INSYN1: variants seen among roughly 807,000 people sequenced by gnomAD.
INSYN1 encodes the protein UPF0583 protein C15orf59.
A neutral mutation model predicts 17.1 loss-of-function variants in INSYN1; 7 were observed. The ratio of observed to expected loss-of-function variants is 0.41; its 90% confidence interval spans 0.23 to 0.77. The LOEUF is 0.77. Ranked by LOEUF, INSYN1 falls within the 30% of genes least tolerant of loss-of-function variation. The pLI, the probability that INSYN1 is intolerant of heterozygous loss-of-function variation, is 0.32. For missense variants in INSYN1, 339 were observed against 400.6 expected (o/e 0.85, Z 1.31); for synonymous variants, 174 against 166.3 (o/e 1.05, Z -0.36).
intron 2 of INSYN1, among the ~76,000 whole-genome samples, chr15:73,749,167 C>T (rs1411785108): frequency 6.6e-6 from 1 of 152,184 alleles, no homozygotes; most frequent in Admixed American, 6.5e-5. Context: ...GAGATCATCT[C>T]TGGAAGGCCC....
intron 2 of INSYN1, among the ~76,000 whole-genome samples, chr15:73,741,399 C>T (rs1012777755): frequency 6.6e-6 from 1 of 152,176 alleles, no homozygotes; most frequent in Non-Finnish European, 1.5e-5. Flanking sequence ...GGGCCCAGAG[C>T]TGCTTGTTCA....
rs556433306 is a variant in INSYN1 at position 73,744,931 on chromosome 15, C to T, written c.157-4289G>A. On this transcript the variant is annotated intron_variant, in intron 2 of 2. Coordinates refer to ENST00000569673, the MANE Select transcript of INSYN1 (RefSeq NM_001039614.3). ...GGTGAGTCTTGACTCCTGGGCATTGCACCTTAAGACCAAGAATGACTTGCT... is the reference window on the plus strand; with the variant it reads ...GGTGAGTCTTGACTCCTGGGCATTGTACCTTAAGACCAAGAATGACTTGCT... Among the ~76,000 whole-genome samples, 49 of 141,678 alleles carry T rather than the reference C, an allele frequency of 3.5e-4. 1 individual carries two copies. The highest frequency in any genetic ancestry group is 1.6e-3 in the East Asian group (6 of 3,746). The allele number at this position is 141,678 out of a possible 152,430, so 92.9% of individuals were successfully genotyped here. A position where few individuals can be genotyped will look rare whatever the true frequency, so the allele number is the denominator to read the frequency against.
chr15:73,749,407 A>G (rs1901919480), intron 2 of INSYN1, among the ~76,000 whole-genome samples: 1 of 152,136 alleles, frequency 6.6e-6, no homozygotes, highest in Non-Finnish European at 1.5e-5. Context: ...GGGAGAGGGA[A>G]CACAGATGCC....
Position 73,740,447 on chromosome 15 carries a change from C to T in INSYN1, c.352G>A (p.Val118Ile), listed in dbSNP as rs141142512. The part of the protein sequence containing the change: ...DSWEFCSFLD[V>I]STPSDSVDGP... ...TCCACGGAGTCCGAGGGGGTAGAGA[C>T]GTCCAGGAAGGAGCAGAACTCCCAG... The change falls in exon 3 of 3, where the codon GTC becomes ATC. Residue 118 changes from valine (V) to isoleucine (I), a missense_variant. By Grantham distance (29) the Val-to-Ile change is conservative. Transcript: ENST00000569673. 28 of 1,613,632 alleles carry T rather than the reference C, an allele frequency of 1.7e-5. No individual in the cohort carries two copies. Among genetic ancestry groups the T allele is most frequent in the Middle Eastern group, 3.3e-4 (2 of 6,082 alleles).
chr15:73,740,383 T>C lies in INSYN1; in HGVS notation c.416A>G (p.Tyr139Cys). ...GGGCGTGCCACCATTCATGAGGCGG[T>C]AGTCAGGGCCAGCCCCTGGCCGAGT... ...ESTRPGAGPD[Y>C]RLMNGGTPIP... The change falls in exon 3 of 3, where the codon TAC (tyrosine) becomes TGC (cysteine). Residue 139 changes from tyrosine (Y) to cysteine (C), a missense_variant. Tyr to Cys is a radical substitution (Grantham distance 194, BLOSUM62 -2). Transcript: ENST00000569673. 1 of 1,607,770 alleles carries C rather than the reference T, an allele frequency of 6.2e-7. No homozygotes were observed.
chr15:73,742,102 C>T (rs1363420613), intron 2 of INSYN1, among the ~76,000 whole-genome samples: 1 of 152,160 alleles, frequency 6.6e-6, no homozygotes, highest in Admixed American at 6.5e-5. Context: ...GATTCTAGGA[C>T]TCTGTTTATA....
At chr15:73,743,914 A>G (rs1473735701) in intron 2 of INSYN1, among the ~76,000 whole-genome samples, 1 of 151,634 alleles carries the variant, frequency 6.6e-6, no homozygotes, top group Admixed American at 6.6e-5. Context: ...AGATAGCTAA[A>G]TACTTAAGAA....
rs139876261 is a variant in INSYN1 at position 73,751,104 on chromosome 15, G to A, written c.27C>T (p.Leu9=). ...TGCTGGGGTCGTCACTGGGCTGCCC[G>A]AGGTCCGGGGCGCCCCGAATGTTCA... MNIRGAPD[L]GQPSDDPSSG... is the part of the protein sequence containing the mutation. The change falls in exon 2 of 3, where the codon CTC becomes CTT. Residue 9 remains leucine (L), a synonymous_variant. Transcript: ENST00000569673. 3.9e-4 allele frequency: 628 copies of A among 1,613,896 alleles called. 3 individuals are homozygous for A. The highest frequency in any genetic ancestry group is 6.5e-4 in the Admixed American group (39 of 60,024).
chr15:73,751,489 A>G lies in INSYN1; in HGVS notation c.-359T>C. On this transcript the variant is annotated 5_prime_UTR_variant, in exon 2 of 3. Coordinates refer to ENST00000569673, the MANE Select transcript of INSYN1 (RefSeq NM_001039614.3). The stretch of plus-strand genomic sequence containing the variant: ...GCTTGAACACAGAGGCAGGGGGATG[A>G]CTCTGCAGGGACTAAGGGTAAGAGA... 3.4e-6 allele frequency: 1 copy of G among 294,382 alleles called. No homozygotes were observed. Among genetic ancestry groups the G allele is most frequent in the African/African-American group, 2.1e-5 (1 of 47,322 alleles). The allele number at this position is 294,382 out of a possible 1,614,324, so 18.2% of individuals were successfully genotyped here.
intron 2 of INSYN1, among the ~76,000 whole-genome samples, chr15:73,749,356 T>C (rs891247181): frequency 6.6e-6 from 1 of 152,132 alleles, no homozygotes; most frequent in East Asian, 1.9e-4. Flanking sequence ...TGGTCTGGAT[T>C]ACCTATGAGA....
chr15:73,744,197 T>A (rs1901765777), intron 2 of INSYN1, among the ~76,000 whole-genome samples: 1 of 152,196 alleles, frequency 6.6e-6, no homozygotes, highest in African/African-American at 2.4e-5. Context: ...GCAGTGGGAA[T>A]TAGTTCTGCA....
At position 73,752,460 on chromosome 15, in the gene INSYN1, G is replaced by A. The variant is rs1365211952; in HGVS notation, c.-918C>T. The stretch of plus-strand genomic sequence containing the variant: ...GGTCCCAGCGCGTGAGCCAAAGTCG[G>A]AGGGCTGGGAGGGCGCCGGGATCCC... On this transcript the variant is annotated 5_prime_UTR_variant, in exon 1 of 3. Coordinates refer to ENST00000569673, the MANE Select transcript of INSYN1 (RefSeq NM_001039614.3). The surrounding 1 kb of genome is among the most constrained non-coding windows in gnomAD (Gnocchi z 5.2). 6.6e-6 allele frequency: 1 copy of A among 152,332 alleles called. No homozygotes were observed. The highest frequency in any genetic ancestry group is 1.5e-5 in the Non-Finnish European group (1 of 68,176). 9.4% of individuals were successfully genotyped at this position (152,332 alleles called of 1,614,324 possible).
At chr15:73,748,490 T>A (rs1242278259) in intron 2 of INSYN1, among the ~76,000 whole-genome samples, 1 of 152,046 alleles carries the variant, frequency 6.6e-6, no homozygotes, top group Non-Finnish European at 1.5e-5. Context: ...GCTGCCCAGG[T>A]CATGGGGTGA....
chr15:73,750,933 T>G lies in INSYN1; in HGVS notation c.156+42A>C, dbSNP rs116258173. 2,806 of 1,610,552 alleles carry G rather than the reference T, an allele frequency of 1.7e-3. 51 individuals are homozygous for G. The African/African-American group carries it at 0.031, about 18-fold the overall frequency. ...CGTTTTTGTGCCAAACCCAAGAAGG[T>G]TGGCTTAGGGTCTGTCTGGTCCCTC... is the stretch of plus-strand genomic sequence containing the variant. On this transcript the variant is annotated intron_variant, in intron 2 of 2. Coordinates refer to ENST00000569673, the MANE Select transcript of INSYN1 (RefSeq NM_001039614.3).
chr15:73,744,611 C>T (rs1901774243), intron 2 of INSYN1, among the ~76,000 whole-genome samples: 1 of 152,136 alleles, frequency 6.6e-6, no homozygotes, highest in African/African-American at 2.4e-5. Flanking sequence ...CCAGTCTTGT[C>T]TTGCTCTCTG....
chr15:73,743,074 T>C (rs1383514660), intron 2 of INSYN1, among the ~76,000 whole-genome samples: 1 of 152,204 alleles, frequency 6.6e-6, no homozygotes, highest in African/African-American at 2.4e-5. Flanking sequence ...GAGACTCCCC[T>C]GATCAAGCCA....
chr15:73,748,430 C>G (rs1901895106), intron 2 of INSYN1, among the ~76,000 whole-genome samples: 1 of 152,200 alleles, frequency 6.6e-6, no homozygotes, highest in African/African-American at 2.4e-5. Flanking sequence ...ATCTCCACTT[C>G]TAAGTGCTTG....
At chr15:73,748,550 C>T (rs977640207) in intron 2 of INSYN1, among the ~76,000 whole-genome samples, 15 of 152,020 alleles carry the variant, frequency 9.9e-5, no homozygotes, top group Admixed American at 7.9e-4. Flanking sequence ...CCCATGCCCC[C>T]GATAAAAAAA....
rs1433768100 is a variant in INSYN1 at position 73,753,052 on chromosome 15, G to T, written c.-1510C>A. 6.7e-6 allele frequency among the ~76,000 whole-genome samples: 1 copy of T among 149,924 alleles called. No individual in the cohort carries two copies. The highest frequency in any genetic ancestry group is 1.5e-5 in the Non-Finnish European group (1 of 67,024). On this transcript the variant is annotated 5_prime_UTR_variant, in exon 1 of 3. Coordinates refer to ENST00000569673, the MANE Select transcript of INSYN1 (RefSeq NM_001039614.3). This position sits in a 1 kb window ranked among gnomAD's most constrained non-coding sequence, Gnocchi z 4.2. ...CGCTCGGCTCCGCTACCTCCCGTCC[G>T]TTCGCTCTCGGCTCCCCGCCTCAGC...
Sources: gnomAD v4.1 joint callset for allele counts (sites outside exome capture counted in the v4.1 genomes callset) on GRCh38, gnomAD v4.1.1 for gene constraint, Gnocchi (gnomAD v3.1) non-coding constraint, MANE v1.5 for transcripts, NCBI Gene and HGNC (gene_info 2026-07-23, HGNC 2026-07-21) for gene names.